MCM9: variants seen among roughly 807,000 people sequenced by gnomAD.
MCM9 encodes the protein DNA helicase MCM9.
MCM9 carries 55 observed loss-of-function variants against 72.8 expected under a neutral mutation model. That is an observed-to-expected ratio of 0.76 (90% confidence interval 0.61 to 0.95). MCM9 has a LOEUF of 0.95. Among genes scored for constraint, MCM9 ranks in the 40% least tolerant of loss-of-function variants. The pLI, the probability that MCM9 is intolerant of heterozygous loss-of-function variation, is 0.00. For missense variants in MCM9, 1,279 were observed against 1,377.0 expected, an observed-to-expected ratio of 0.93 and a Z score of 1.13; for synonymous variants, 480 against 503.4, an observed-to-expected ratio of 0.95 and a Z score of 0.62.
intron 9 of MCM9, among the ~76,000 whole-genome samples, chr6:118,834,053 C>T (rs1774781350): frequency 6.6e-6 from 1 of 152,006 alleles, no homozygotes; most frequent in African/African-American, 2.4e-5. Flanking sequence ...GTGATGTTCC[C>T]CTCCCCGTGT....
chr6:118,859,569 C>T (rs1404642633), intron 8 of MCM9, among the ~76,000 whole-genome samples: 2 of 152,038 alleles, frequency 1.3e-5, no homozygotes, highest in African/African-American at 4.8e-5. Flanking sequence ...GAAAAACAGG[C>T]AAGAAAATTT....
At position 118,888,257 on chromosome 6, in the gene MCM9, T is replaced by C. The variant is rs191012006; in HGVS notation, c.1150+23393A>G. Among the ~76,000 whole-genome samples the C allele has an allele frequency of 2.5e-3, 379 of 151,994 alleles. 2 individuals are homozygous for C. Among genetic ancestry groups the C allele is most frequent in the African/African-American group, 7.9e-3 (326 of 41,464 alleles). On this transcript the variant is annotated intron_variant, in intron 8 of 13. Coordinates refer to ENST00000619706, the MANE Select transcript of MCM9 (RefSeq NM_017696.3). ...ATCCCAGCACTTTGGGAGGCAGAGG[T>C]GGGCGGATCACAAGGTCAGTAGATC...
In MCM9 at chr6:118,870,920, C is replaced by A. The variant is rs148800554; in HGVS notation, c.1151-14375G>T. 6.5e-3 allele frequency among the ~76,000 whole-genome samples: 994 copies of A among 151,778 alleles called. 7 individuals are homozygous for A. The highest frequency in any genetic ancestry group is 0.022 in the African/African-American group (925 of 41,382). ...ACTGAACCAAAAAATTATTGAAAAT[C>A]TGCATGGATGAATGAGTAAAGAAGT... On this transcript the variant is annotated intron_variant, in intron 8 of 13. Transcript: ENST00000619706.
chr6:118,838,675 C>G lies in MCM9; in HGVS notation c.1326-9425G>C, dbSNP rs1414884794. On this transcript the variant is annotated intron_variant, in intron 9 of 13. Transcript: ENST00000619706. ...TGACCTCGTGATCCGCCCGCCGCAG[C>G]CTCCCAAAGTGCTGGGATTAGAGGC... Among the ~76,000 whole-genome samples the G allele has an allele frequency of 2.0e-5, 3 of 152,352 alleles. No homozygotes were observed. In the East Asian group the frequency reaches 5.8e-4, roughly 29 times the overall value.
chr6:118,831,880 T>G (rs1212659126), intron 9 of MCM9, among the ~76,000 whole-genome samples: 2 of 152,048 alleles, frequency 1.3e-5, no homozygotes, highest in Non-Finnish European at 2.9e-5. Flanking sequence ...GAAGGGTAGG[T>G]GCTATTATCA....
At position 118,850,813 on chromosome 6, in the gene MCM9, C is replaced by T. The variant is rs1046019658; in HGVS notation, c.1325+5558G>A. ...AAGAGACTCAAATCCAGGTTGTATG[C>T]TCTGTTTTTAAATAAAATTTTAATT... is the stretch of plus-strand genomic sequence containing the variant. On this transcript the variant is annotated intron_variant, in intron 9 of 13. Transcript: ENST00000619706. Among the ~76,000 whole-genome samples, 44 of 151,644 alleles carry T rather than the reference C, an allele frequency of 2.9e-4. 2 individuals are homozygous for T. Among genetic ancestry groups the T allele is most frequent in the African/African-American group, 9.5e-4 (39 of 41,022 alleles).
rs1773297865 is a variant in MCM9, at chr6:118,814,733, T to G, written c.*91A>C. On this transcript the variant is annotated 3_prime_UTR_variant, in exon 14 of 14. Transcript: ENST00000619706. ...CAGAGTGATCCTCAATATGGCCAATTGTTCTATACATTTATAAATACCATA... is the reference window on the plus strand; with the variant it reads ...CAGAGTGATCCTCAATATGGCCAATGGTTCTATACATTTATAAATACCATA... The G allele has an allele frequency of 8.0e-7, 1 of 1,247,872 alleles. No homozygotes were observed. The highest frequency in any genetic ancestry group is 1.5e-5 in the African/African-American group (1 of 65,944). 77.3% of individuals were successfully genotyped at this position (1,247,872 alleles called of 1,614,324 possible).
chr6:118,883,159 A>T (rs1001940903), intron 8 of MCM9, among the ~76,000 whole-genome samples: 1 of 152,022 alleles, frequency 6.6e-6, no homozygotes, highest in Non-Finnish European at 1.5e-5. Context: ...AAAACCAAGT[A>T]AGAATTCTGG....
chr6:118,903,359 T>G lies in MCM9; in HGVS notation c.1150+8291A>C, dbSNP rs1291328401. Among the ~76,000 whole-genome samples the G allele has an allele frequency of 2.0e-5, 3 of 152,250 alleles. No individual in the cohort carries two copies. In the East Asian group the frequency reaches 5.8e-4, roughly 29 times the overall value. ...CTGGCTGTCCCCTATCCTGGTGTCT[T>G]GCCAAGAGATCATAAACCCCTTCAG... is the stretch of plus-strand genomic sequence containing the variant. On this transcript the variant is annotated intron_variant, in intron 8 of 13. Coordinates refer to ENST00000619706, the MANE Select transcript of MCM9 (RefSeq NM_017696.3).
At chr6:118,927,986 T>C (rs1050750347) in intron 3 of MCM9, among the ~76,000 whole-genome samples, 4 of 152,354 alleles carry the variant, frequency 2.6e-5, no homozygotes, top group African/African-American at 7.2e-5. Flanking sequence ...ATAGGGCCTT[T>C]TGTGACTGGC....
At chr6:118,828,448 C>T (rs1051386648) in intron 10 of MCM9, among the ~76,000 whole-genome samples, 15 of 151,904 alleles carry the variant, frequency 9.9e-5, no homozygotes, top group African/African-American at 3.1e-4. Flanking sequence ...CGCAGTAGCA[C>T]GATCTCTGTT....
intron 13 of MCM9, among the ~76,000 whole-genome samples, chr6:118,821,803 A>G (rs547659421): frequency 8.3e-4 from 126 of 152,038 alleles, no homozygotes; most frequent in Non-Finnish European, 1.5e-3. Context: ...TATTTCTTGG[A>G]GGTTTTATTC....
intron 8 of MCM9, among the ~76,000 whole-genome samples, chr6:118,882,487 G>T (rs1778350833): frequency 6.6e-6 from 1 of 152,148 alleles, no homozygotes; most frequent in African/African-American, 2.4e-5. Flanking sequence ...GAGCACTTCT[G>T]GGGTCAGAAC....
intron 8 of MCM9, chr6:118,908,705 G>T (rs1326078490): frequency 6.6e-6 from 1 of 152,306 alleles, no homozygotes; most frequent in Non-Finnish European, 1.5e-5. Context: ...AACTAAATGG[G>T]GTAAAAGGTT....
chr6:118,911,812 G>A lies in MCM9; in HGVS notation c.1031-43C>T, dbSNP rs1780573636. 3 of 1,480,984 alleles carry A rather than the reference G, an allele frequency of 2.0e-6. No homozygotes were observed. In the East Asian group the frequency reaches 6.8e-5, roughly 34 times the overall value. The allele number at this position is 1,480,984 out of a possible 1,614,324, so 91.7% of individuals were successfully genotyped here. A position where few individuals can be genotyped will look rare whatever the true frequency, so the allele number is the denominator to read the frequency against. On this transcript the variant is annotated intron_variant, in intron 7 of 13. Transcript: ENST00000619706. Reference sequence around the variant, plus strand: ...CATGAAGTTTTAAATTTCTATAAAAGGGTCCATTTGGAATGCCAACAAAAT... The same window carrying A: ...CATGAAGTTTTAAATTTCTATAAAAAGGTCCATTTGGAATGCCAACAAAAT...
chr6:118,863,427 T>C (rs996045908), intron 8 of MCM9, among the ~76,000 whole-genome samples: 2 of 152,026 alleles, frequency 1.3e-5, no homozygotes, highest in African/African-American at 4.8e-5. Flanking sequence ...AATGGAATCA[T>C]AAAAACTGCT....
At chr6:118,900,172 G>A (rs1168314622) in intron 8 of MCM9, among the ~76,000 whole-genome samples, 1 of 152,168 alleles carries the variant, frequency 6.6e-6, no homozygotes, top group African/African-American at 2.4e-5. Context: ...ACACAGGGGG[G>A]TGCCGTAAGG....
intron 13 of MCM9, among the ~76,000 whole-genome samples, chr6:118,825,705 A>T (rs1260863655): frequency 6.6e-6 from 1 of 152,240 alleles, no homozygotes; most frequent in Non-Finnish European, 1.5e-5. Flanking sequence ...TTTTTTTGGT[A>T]GAGTCCACAT....
At chr6:118,843,034 A>T (rs1775493837) in intron 9 of MCM9, among the ~76,000 whole-genome samples, 2 of 152,208 alleles carry the variant, frequency 1.3e-5, no homozygotes, top group Admixed American at 1.3e-4. Context: ...GACATAAGTC[A>T]CATTTAGTAG....
Sources: allele counts gnomAD v4.1 joint callset (sites outside exome capture counted in the v4.1 genomes callset), GRCh38; gene constraint gnomAD v4.1.1; transcripts MANE v1.5; gene names NCBI Gene and HGNC (gene_info 2026-07-23, HGNC 2026-07-21).